The following PTPRB variants were observed in gnomAD, a reference collection of about 807,000 sequenced individuals.
The protein encoded by PTPRB is protein tyrosine phosphatase receptor type B.
A neutral mutation model predicts 238.1 loss-of-function variants in PTPRB; 97 were observed. That is an observed-to-expected ratio of 0.41 (90% CI 0.35 to 0.48). PTPRB has a LOEUF of 0.48. Ranked by LOEUF, PTPRB falls within the 20% of genes least tolerant of loss-of-function variation. The pLI is 0.30. For synonymous variants in PTPRB, 970 were observed against 995.4 expected, an observed-to-expected ratio of 0.97 and a Z score of 0.48; for missense variants, 2,292 against 2,681.9, an observed-to-expected ratio of 0.85 and a Z score of 3.21.
At chr12:70,570,507 C>T (rs56276996) in intron 13 of PTPRB, among the ~76,000 whole-genome samples, 29,827 of 151,668 alleles carry the variant, frequency 0.2, 3,120 homozygotes, top group African/African-American at 0.26. Context: ...ACACCGTGCC[C>T]GGCTAATTTT....
chr12:70,534,354 TG>T, intron 31 of PTPRB, 133 bp downstream of exon 31: 1 of 961,862 alleles, frequency 1.0e-6, no homozygotes, highest in Non-Finnish European at 1.5e-6. Flanking sequence ...TAAAACCCTC[TG>T]GGGGCGAGGC....
chr12:70,610,026 G>T (rs1884331885), intron 3 of PTPRB, among the ~76,000 whole-genome samples: 1 of 152,010 alleles, frequency 6.6e-6, no homozygotes, highest in Non-Finnish European at 1.5e-5. Context: ...GCGAGAGGCG[G>T]CGGGGACAGG....
chr12:70,588,447 A>T (rs1160385727), intron 8 of PTPRB, among the ~76,000 whole-genome samples: 1 of 152,114 alleles, frequency 6.6e-6, no homozygotes, highest in Non-Finnish European at 1.5e-5. Flanking sequence ...CAGCCTGGCC[A>T]ATATGGTGAA....
At chr12:70,544,374 TTTCAATCCATTCTTCTAGAGAGGTTG>T (rs1457232297) in intron 22 of PTPRB, among the ~76,000 whole-genome samples, 157 bp downstream of exon 22, 6 of 152,234 alleles carry the variant, frequency 3.9e-5, no homozygotes, top group Admixed American at 3.9e-4. Context: ...ATTAACCCCC[TTTCAATCCATTCTTCTAGAGAGGTTG>T]TACAATCCCT....
chr12:70,556,777 A>G (rs1374603002), intron 18 of PTPRB, among the ~76,000 whole-genome samples: 1 of 152,220 alleles, frequency 6.6e-6, no homozygotes, highest in Non-Finnish European at 1.5e-5. Context: ...GAGGGGGAAA[A>G]ACAACTTACA....
At chr12:70,538,048 A>T in intron 28 of PTPRB, 107 bp downstream of exon 28, 1 of 872,964 alleles carries the variant, frequency 1.1e-6, no homozygotes, top group Non-Finnish European at 1.7e-6. Flanking sequence ...TGAAATCTAC[A>T]GGTGTTTCCA....
intron 9 of PTPRB, 97 bp from the exon 10 acceptor site, chr12:70,581,399 C>T (rs943931016): frequency 1.6e-6 from 2 of 1,289,742 alleles, no homozygotes; most frequent in Admixed American, 2.8e-5. Context: ...CTTGAAAGTA[C>T]TAAAAATAAT....
In PTPRB at chr12:70,521,328, T is replaced by C. The variant is rs1347056837; in HGVS notation, c.*161A>G. 1 of 482,976 alleles carries C rather than the reference T, an allele frequency of 2.1e-6. No individual in the cohort carries two copies. Among genetic ancestry groups the C allele is most frequent in the African/African-American group, 2.0e-5 (1 of 50,722 alleles). 29.9% of individuals were successfully genotyped at this position (482,976 alleles called of 1,614,324 possible). A position where few individuals can be genotyped will look rare whatever the true frequency, so the allele number is the denominator to read the frequency against. On this transcript the variant is annotated 3_prime_UTR_variant, in exon 34 of 34. Transcript: ENST00000334414. ...AAATACAACTATGTACAATAATATC[T>C]GTTACCTTTAAATTATATAAAATTT...
At chr12:70,631,516 T>G (rs1458000752) in intron 2 of PTPRB, among the ~76,000 whole-genome samples, 13 of 152,180 alleles carry the variant, frequency 8.5e-5, no homozygotes, top group Non-Finnish European at 1.5e-5. Context: ...GACATAGGCA[T>G]GGGCAAACAC....
intron 20 of PTPRB, 82 bp downstream of exon 20, chr12:70,555,078 C>T (rs1166101429): frequency 1.4e-6 from 2 of 1,478,710 alleles, no homozygotes; most frequent in Non-Finnish European, 9.1e-7. Flanking sequence ...GTTTCTTAAA[C>T]TTTGTCACAG....
At chr12:70,524,702 G>C (rs1236567560) in intron 32 of PTPRB, 111 bp from the exon 33 acceptor site, 10 of 1,133,824 alleles carry the variant, frequency 8.8e-6, no homozygotes, top group Middle Eastern at 2.4e-4. Context: ...CAAATTTCTT[G>C]AACATCGCTT....
intron 4 of PTPRB, among the ~76,000 whole-genome samples, chr12:70,603,462 G>T (rs1352587454): frequency 6.6e-6 from 1 of 152,116 alleles, no homozygotes; most frequent in African/African-American, 2.4e-5. Context: ...ATAACACGTG[G>T]TAATTTGAAA....
chr12:70,631,581 G>T (rs1885455308), intron 2 of PTPRB, among the ~76,000 whole-genome samples: 1 of 152,098 alleles, frequency 6.6e-6, no homozygotes, highest in South Asian at 2.1e-4. Context: ...AGACAAATGG[G>T]ATCTAATTAA....
chr12:70,527,457 C>T (rs1326559575), intron 32 of PTPRB, among the ~76,000 whole-genome samples: 2 of 152,184 alleles, frequency 1.3e-5, no homozygotes, highest in Admixed American at 6.5e-5. Flanking sequence ...AACAATGCCC[C>T]AAATGCAACC....
chr12:70,569,563 A>G, intron 14 of PTPRB, 112 bp downstream of exon 14: 1 of 1,307,714 alleles, frequency 7.6e-7, no homozygotes. Flanking sequence ...GAATTGTACA[A>G]ACTTTGGTGG....
At chr12:70,547,077 G>T (rs1156780650) in intron 21 of PTPRB, among the ~76,000 whole-genome samples, 1 of 151,534 alleles carries the variant, frequency 6.6e-6, no homozygotes, top group African/African-American at 2.4e-5. Flanking sequence ...GGCATGTCCT[G>T]TGATAATGCT....
At position 70,569,572 on chromosome 12, in the gene PTPRB, G is replaced by C. The variant is rs1243425358; in HGVS notation, c.3634+103C>G. The C allele has an allele frequency of 1.1e-5, 15 of 1,384,048 alleles. No homozygotes were observed. The African/African-American group carries it at 2.1e-4, about 20-fold the overall frequency. 85.7% of individuals were successfully genotyped at this position (1,384,048 alleles called of 1,614,324 possible). The stretch of plus-strand genomic sequence containing the variant: ...ACCATTGAATTGTACAAACTTTGGT[G>C]GTTTTAAATCTGGATTTGTGAATAG... On this transcript the variant is annotated intron_variant, in intron 14 of 33. Transcript: ENST00000334414.
rs1874793617 is a variant in PTPRB at position 70,539,952 on chromosome 12, G to A, written c.5665C>T (p.Leu1889=). ...TGTGGTGCTTACCCTTTCTGGCCCA[G>A]GTTTAAGTGGACAGATAATGGTCGA... ...RDRPLSVHLN[L]GQKGNRKTSC... The change falls in exon 24 of 34, where the codon CTG becomes TTG. Residue 1889 remains leucine, a synonymous_variant. Transcript: ENST00000334414. 3 of 1,610,860 alleles carry A rather than the reference G, an allele frequency of 1.9e-6. No homozygotes were observed. The highest frequency in any genetic ancestry group is 2.7e-5 in the African/African-American group (2 of 74,832).
intron 22 of PTPRB, among the ~76,000 whole-genome samples, chr12:70,543,733 C>T (rs1470523510): frequency 6.6e-6 from 1 of 152,136 alleles, no homozygotes; most frequent in Non-Finnish European, 1.5e-5. Flanking sequence ...TGAAATGATG[C>T]TATTCTCAGC....
Sources: allele counts gnomAD v4.1 joint callset (sites outside exome capture counted in the v4.1 genomes callset), GRCh38; gene constraint gnomAD v4.1.1; transcripts MANE v1.5; gene names NCBI Gene and HGNC (gene_info 2026-07-23, HGNC 2026-07-21).